RPTOR: variants seen among roughly 807,000 people sequenced by gnomAD.
RPTOR encodes regulatory-associated protein of mTOR.
In RPTOR, 21 loss-of-function variants were observed where a neutral mutation model predicts 169.9. The ratio of observed to expected loss-of-function variants is 0.12; its 90% CI spans 0.09 to 0.18. The LOEUF is 0.18. Ranked by LOEUF, RPTOR falls within the 10% of genes least tolerant of loss-of-function variation. The pLI, the probability that RPTOR is intolerant of heterozygous loss-of-function variation, is 1.00. For synonymous variants in RPTOR, 732 were observed against 753.2 expected (o/e 0.97, Z 0.46); for missense variants, 1,133 against 1,855.9 (o/e 0.61, Z 7.16).
At chr17:80,667,935 T>C (rs2143671247) in intron 3 of RPTOR, among the ~76,000 whole-genome samples, 1 of 152,328 alleles carries the variant, frequency 6.6e-6, no homozygotes, top group East Asian at 1.9e-4. Context: ...CACAAGGGTC[T>C]GCCATTCTGT....
rs1176878937 is a variant in RPTOR at position 80,892,888 on chromosome 17, G to T, written c.2242+19G>T. 9.3e-6 allele frequency: 15 copies of T among 1,611,872 alleles called. No individual in the cohort carries two copies. The highest frequency in any genetic ancestry group is 1.3e-5 in the Non-Finnish European group (15 of 1,179,060). On this transcript the variant is annotated intron_variant, in intron 19 of 33. Coordinates refer to ENST00000306801, the MANE Select transcript of RPTOR (RefSeq NM_020761.3). Reference sequence around the variant, plus strand: ...GAGGAATGTAAGATCCTGGAAATCGGGTTATTGGATTGGGAGAGATTGGGG... The same window carrying T: ...GAGGAATGTAAGATCCTGGAAATCGTGTTATTGGATTGGGAGAGATTGGGG...
At chr17:80,955,015 A>T (rs1344989822) in intron 28 of RPTOR, among the ~76,000 whole-genome samples, 1 of 152,248 alleles carries the variant, frequency 6.6e-6, no homozygotes, top group Non-Finnish European at 1.5e-5. Context: ...TTCTTCACAG[A>T]TCAAAGCATA....
At chr17:80,573,196 G>A (rs947590437) in intron 1 of RPTOR, among the ~76,000 whole-genome samples, 1 of 152,156 alleles carries the variant, frequency 6.6e-6, no homozygotes, top group African/African-American at 2.4e-5. Context: ...TATAAAAAAT[G>A]TGTGAAGGAA....
intron 21 of RPTOR, among the ~76,000 whole-genome samples, chr17:80,911,229 C>T (rs912591577): frequency 3.9e-5 from 6 of 152,158 alleles, no homozygotes; most frequent in South Asian, 2.1e-4. Context: ...CCTCCTGCAG[C>T]GGACTCTGCC....
chr17:80,781,024 C>T (rs1425476855), intron 6 of RPTOR, among the ~76,000 whole-genome samples: 1 of 152,192 alleles, frequency 6.6e-6, no homozygotes, highest in Admixed American at 6.5e-5. Context: ...TGCCCAGCCA[C>T]TTAGCCAGCA....
chr17:80,884,153 C>T (rs189714601), intron 16 of RPTOR, among the ~76,000 whole-genome samples, 181 bp downstream of exon 16: 1 of 152,354 alleles, frequency 6.6e-6, no homozygotes, highest in African/African-American at 2.4e-5. Flanking sequence ...GGGGATTTTG[C>T]ACCCAGGCCC....
At chr17:80,697,709 G>A (rs2066049094) in intron 3 of RPTOR, among the ~76,000 whole-genome samples, 1 of 152,246 alleles carries the variant, frequency 6.6e-6, no homozygotes. Flanking sequence ...AGGACACTGG[G>A]CTGAGCAGAG....
In RPTOR at chr17:80,965,065, C is replaced by A; in HGVS notation, c.*735C>A. 4.3e-6 allele frequency: 1 copy of A among 233,364 alleles called. No homozygotes were observed. The allele number at this position is 233,364 out of a possible 1,614,324, so 14.5% of individuals were successfully genotyped here. Reference sequence around the variant, plus strand: ...CTCACACAGAGCTGTCAGCAGGGGCCGCTGTGGCGGTGCACAGGGGAGGCA... The same window carrying A: ...CTCACACAGAGCTGTCAGCAGGGGCAGCTGTGGCGGTGCACAGGGGAGGCA... On this transcript the variant is annotated 3_prime_UTR_variant, in exon 34 of 34. Coordinates refer to ENST00000306801, the MANE Select transcript of RPTOR (RefSeq NM_020761.3).
intron 13 of RPTOR, among the ~76,000 whole-genome samples, chr17:80,863,424 C>T (rs188073650): frequency 6.6e-6 from 1 of 152,302 alleles, no homozygotes; most frequent in Admixed American, 6.5e-5. Context: ...AAAACCTGCT[C>T]AGAACTGCTG....
At chr17:80,857,736 C>A in intron 12 of RPTOR, 54 bp from the exon 13 acceptor site, 2 of 1,344,994 alleles carry the variant, frequency 1.5e-6, no homozygotes, top group Non-Finnish European at 2.1e-6. Context: ...ACCCCTGCTG[C>A]TGCCCGTTCC....
At chr17:80,842,879 G>A (rs1353940494) in intron 10 of RPTOR, among the ~76,000 whole-genome samples, 1 of 152,136 alleles carries the variant, frequency 6.6e-6, no homozygotes. Context: ...CCGTGTCCGC[G>A]TGGCTCCCTC....
At chr17:80,684,651 T>C (rs1336429647) in intron 3 of RPTOR, among the ~76,000 whole-genome samples, 1 of 152,094 alleles carries the variant, frequency 6.6e-6, no homozygotes, top group Non-Finnish European at 1.5e-5. Flanking sequence ...TTCACCGTGT[T>C]AGCCAGGATG....
intron 24 of RPTOR, among the ~76,000 whole-genome samples, chr17:80,930,511 T>TCCCCAC (rs1218092500): frequency 4.5e-3 from 298 of 66,314 alleles, no homozygotes; most frequent in African/African-American, 6.5e-3. Context: ...CCTCAGCTCA[T>TCCCCAC]CTTCAGCTTA....
intron 1 of RPTOR, among the ~76,000 whole-genome samples, chr17:80,584,118 C>T (rs959304613): frequency 6.6e-6 from 1 of 152,164 alleles, no homozygotes; most frequent in Non-Finnish European, 1.5e-5. Context: ...TGAGCCAGGC[C>T]GAGGAGACCC....
chr17:80,878,859 C>G lies in RPTOR; in HGVS notation c.1510-1556C>G, dbSNP rs1421926204. 1.3e-5 allele frequency among the ~76,000 whole-genome samples: 2 copies of G among 152,168 alleles called. No homozygotes were observed. Among genetic ancestry groups the G allele is most frequent in the Non-Finnish European group, 2.9e-5 (2 of 68,016 alleles). On this transcript the variant is annotated intron_variant, in intron 13 of 33. Transcript: ENST00000306801. The surrounding 1 kb of genome is among the most constrained non-coding windows in gnomAD (Gnocchi z 4.1). The stretch of plus-strand genomic sequence containing the variant: ...GCAGAAGTGTCCCCAAGTTAGGCAG[C>G]CTGGTGTGGCTTCCGGTAACACTGC...
chr17:80,830,621 T>A (rs2067493177), intron 9 of RPTOR, among the ~76,000 whole-genome samples: 1 of 152,110 alleles, frequency 6.6e-6, no homozygotes, highest in Non-Finnish European at 1.5e-5. Context: ...AGGAGTTTGG[T>A]AGTTGAGGTG....
rs1466405643 is a variant in RPTOR at position 80,940,623 on chromosome 17, G to T, written c.3025+22G>T. The T allele has an allele frequency of 3.8e-6, 6 of 1,583,938 alleles. No individual in the cohort carries two copies. In the East Asian group the frequency reaches 1.1e-4, roughly 30 times the overall value. ...AAGGGTAAGGGCACCCGCACAGCCA[G>T]CCAGGGGCTCATTCCGGGGGTGGGG... On this transcript the variant is annotated intron_variant, in intron 25 of 33. Coordinates refer to ENST00000306801, the MANE Select transcript of RPTOR (RefSeq NM_020761.3).
chr17:80,819,975 C>T (rs1216245313), intron 7 of RPTOR, among the ~76,000 whole-genome samples: 1 of 152,136 alleles, frequency 6.6e-6, no homozygotes, highest in East Asian at 1.9e-4. Context: ...CCCCACCCTG[C>T]CCTGGGCGCC....
chr17:80,752,030 C>G (rs140383234), intron 5 of RPTOR, among the ~76,000 whole-genome samples: 1 of 152,172 alleles, frequency 6.6e-6, no homozygotes, highest in South Asian at 2.1e-4. Context: ...CTGTGTGGCC[C>G]GGTATGATCG....
Sources: gnomAD v4.1 joint callset for allele counts (sites outside exome capture counted in the v4.1 genomes callset) on GRCh38, gnomAD v4.1.1 for gene constraint, Gnocchi (gnomAD v3.1) non-coding constraint, MANE v1.5 for transcripts, NCBI Gene and HGNC (gene_info 2026-07-23, HGNC 2026-07-21) for gene names.